PCDHGA3: variants seen among roughly 807,000 people sequenced by gnomAD.
PCDHGA3 encodes protocadherin gamma subfamily A, 3.
PCDHGA3 carries 40 observed loss-of-function variants against 58.5 expected under a neutral mutation model. The ratio of observed to expected loss-of-function variants is 0.68; its 90% CI spans 0.53 to 0.89. The LOEUF (loss-of-function observed/expected upper bound fraction) is 0.89, where lower values mean the gene tolerates loss of function less well. Among genes scored for constraint, PCDHGA3 ranks in the 40% least tolerant of loss-of-function variants. PCDHGA3 has a pLI of 0.00. For missense variants in PCDHGA3, 1,223 were observed against 1,195.9 expected (o/e 1.02, Z -0.33); for synonymous variants, 530 against 525.7 (o/e 1.01, Z -0.11).
At chr5:141,465,323 G>A (rs757662972) in intron 1 of PCDHGA3, among the ~76,000 whole-genome samples, 1 of 152,138 alleles carries the variant, frequency 6.6e-6, no homozygotes, top group Non-Finnish European at 1.5e-5. Flanking sequence ...TGTCAATGCA[G>A]TATTTTTTAT....
In PCDHGA3 at chr5:141,493,811, A is replaced by T. The variant is rs956872917; in HGVS notation, c.2425-996A>T. Reference sequence around the variant, plus strand: ...CTCCCTGGAGTAATCTGAGATACTCACACTCTCTGCTTCTGGGAGCAAGTA... The same window carrying T: ...CTCCCTGGAGTAATCTGAGATACTCTCACTCTCTGCTTCTGGGAGCAAGTA... On this transcript the variant is annotated intron_variant, in intron 1 of 3. Transcript: ENST00000253812. The surrounding 1 kb of genome is among the most constrained non-coding windows in gnomAD (Gnocchi z 4.3). Among the ~76,000 whole-genome samples the T allele has an allele frequency of 1.3e-5, 2 of 152,154 alleles. No homozygotes were observed. The highest frequency in any genetic ancestry group is 2.9e-5 in the Non-Finnish European group (2 of 68,036).
chr5:141,463,574 G>A (rs942457606), intron 1 of PCDHGA3, among the ~76,000 whole-genome samples: 1 of 146,978 alleles, frequency 6.8e-6, no homozygotes, highest in Non-Finnish European at 1.5e-5. Flanking sequence ...TCAGCCTCCC[G>A]AGTAGCTGGG....
chr5:141,478,124 T>C (rs776469996), intron 1 of PCDHGA3: 1 of 1,613,978 alleles, frequency 6.2e-7, no homozygotes, highest in South Asian at 1.1e-5. Flanking sequence ...AACCGAGGAC[T>C]CTCCTGAAGC....
At chr5:141,446,718 C>T (rs1279970040) in intron 1 of PCDHGA3, among the ~76,000 whole-genome samples, 4 of 152,174 alleles carry the variant, frequency 2.6e-5, no homozygotes, top group South Asian at 2.1e-4. Flanking sequence ...CTGCCCGCCT[C>T]GGCCTCCCAA....
At chr5:141,410,425 C>G (rs779212749) in intron 1 of PCDHGA3, 1 of 1,614,030 alleles carries the variant, frequency 6.2e-7, no homozygotes, top group South Asian at 1.1e-5. Flanking sequence ...TAGTTCCCCC[C>G]AACTACAGTG....
At chr5:141,365,131 G>A (rs751303366) in intron 1 of PCDHGA3, 2 of 1,613,854 alleles carry the variant, frequency 1.2e-6, no homozygotes, top group East Asian at 2.2e-5. Flanking sequence ...TAACCGCCAC[G>A]GATCCAGATG....
intron 1 of PCDHGA3, chr5:141,441,792 G>T: frequency 2.6e-6 from 1 of 389,292 alleles, no homozygotes; most frequent in Non-Finnish European, 5.1e-6. Context: ...GAATGACAAC[G>T]CACCGCGGGT....
In PCDHGA3 at chr5:141,365,508, A is replaced by G. The variant is rs781290416; in HGVS notation, c.2424+19051A>G. On this transcript the variant is annotated intron_variant, in intron 1 of 3. Transcript: ENST00000253812. Reference sequence around the variant, plus strand: ...TCTATTCCTAGGAATTTGCCTTTTAAATTGGAGAAGTCAGTTGATAATTAC... The same window carrying G: ...TCTATTCCTAGGAATTTGCCTTTTAGATTGGAGAAGTCAGTTGATAATTAC... The G allele has an allele frequency of 2.2e-5, 35 of 1,613,930 alleles. No homozygotes were observed. The South Asian group carries it at 3.8e-4, about 18-fold the overall frequency.
At chr5:141,370,375 G>T in intron 1 of PCDHGA3, 2 of 1,527,984 alleles carry the variant, frequency 1.3e-6, no homozygotes. Context: ...ATTTAGAAAG[G>T]CAAAGGCGCA....
At chr5:141,409,870 T>C in intron 1 of PCDHGA3, 1 of 1,612,788 alleles carries the variant, frequency 6.2e-7, no homozygotes, top group Non-Finnish European at 8.5e-7. Flanking sequence ...GAGACCGCAA[T>C]GACAACGCAC....
rs200368368 is a variant in PCDHGA3 at position 141,371,922 on chromosome 5, C to T, written c.2424+25465C>T. 2.5e-4 allele frequency: 410 copies of T among 1,613,228 alleles called. No individual in the cohort carries two copies. The highest frequency in any genetic ancestry group is 3.3e-4 in the Non-Finnish European group (394 of 1,179,902). On this transcript the variant is annotated intron_variant, in intron 1 of 3. Transcript: ENST00000253812. ...GTCGTCCTACGTGTCCGTGAGCGCG[C>T]GGAGCGGGGTGGTGTTCGCGCAGCG...
intron 1 of PCDHGA3, 29 bp downstream of exon 1, chr5:141,346,486 A>G (rs1561492432): frequency 6.2e-7 from 1 of 1,613,124 alleles, no homozygotes; most frequent in Non-Finnish European, 8.5e-7. Context: ...TTGATTATTA[A>G]GAACAAATAT....
At position 141,404,694 on chromosome 5, in the gene PCDHGA3, C is replaced by G. The variant is rs749803871; in HGVS notation, c.2424+58237C>G. 3.1e-6 allele frequency: 5 copies of G among 1,613,998 alleles called. No individual in the cohort carries two copies. In the Admixed American group the frequency reaches 5.0e-5, roughly 16 times the overall value. On this transcript the variant is annotated intron_variant, in intron 1 of 3. Coordinates refer to ENST00000253812, the MANE Select transcript of PCDHGA3 (RefSeq NM_018916.4). ...ACTGGTGTGGAGCTGGCACCCCGCT[C>G]TGCAGAGCCTGGCTACCTGGTGACC...
chr5:141,434,964 T>C (rs2154556462), intron 1 of PCDHGA3, among the ~76,000 whole-genome samples: 1 of 152,004 alleles, frequency 6.6e-6, no homozygotes, highest in East Asian at 1.9e-4. Context: ...ATTTATAAAA[T>C]TACTTTGTTA....
At chr5:141,405,372 T>C in intron 1 of PCDHGA3, 1 of 1,601,630 alleles carries the variant, frequency 6.2e-7, no homozygotes, top group East Asian at 2.2e-5. Flanking sequence ...ACCCCTTTGG[T>C]TCCGGTGAGT....
chr5:141,413,533 C>G, intron 1 of PCDHGA3: 1 of 1,613,934 alleles, frequency 6.2e-7, no homozygotes, highest in Non-Finnish European at 8.5e-7. Flanking sequence ...CAGGGTGAAA[C>G]TTTTTGGGAT....
intron 1 of PCDHGA3, chr5:141,362,309 A>C: frequency 1.2e-6 from 2 of 1,613,904 alleles, no homozygotes; most frequent in Non-Finnish European, 1.7e-6. Context: ...GATGCTTGGG[A>C]CTGTTTTCAG....
intron 1 of PCDHGA3, chr5:141,400,564 C>G (rs532914635): frequency 1.9e-6 from 3 of 1,612,936 alleles, no homozygotes; most frequent in Admixed American, 1.7e-5. Flanking sequence ...ATTACCCACC[C>G]AATTTTCTGT....
At chr5:141,504,570 AC>A (rs1468526948) in intron 2 of PCDHGA3, among the ~76,000 whole-genome samples, 1 of 148,874 alleles carries the variant, frequency 6.7e-6, no homozygotes, top group Admixed American at 6.9e-5. Flanking sequence ...ATTCTAGGGA[AC>A]ACCATCTGCC....
Sources: allele counts gnomAD v4.1 joint callset (sites outside exome capture counted in the v4.1 genomes callset), GRCh38; gene constraint gnomAD v4.1.1; non-coding constraint Gnocchi (gnomAD v3.1); transcripts MANE v1.5; gene names NCBI Gene and HGNC (gene_info 2026-07-23, HGNC 2026-07-21).